The following CHST15 variants were observed in gnomAD, a reference collection of about 807,000 sequenced individuals.
CHST15 encodes carbohydrate sulfotransferase 15.
CHST15 carries 30 observed loss-of-function variants against 53.6 expected under a neutral mutation model. The observed-to-expected ratio is 0.56, with a 90% CI of 0.42 to 0.76. CHST15 has a LOEUF of 0.76. CHST15 is among the 30% of genes least tolerant of loss of function. The probability of loss-of-function intolerance (pLI) is 0.00; values close to 1 mark genes in which losing one functional copy is unlikely to be tolerated. For synonymous variants in CHST15, 296 were observed against 289.8 expected, an observed-to-expected ratio of 1.02 and a Z score of -0.22; for missense variants, 627 against 740.5, an observed-to-expected ratio of 0.85 and a Z score of 1.78.
intron 1 of CHST15, among the ~76,000 whole-genome samples, chr10:124,072,903 C>T (rs987675367): frequency 1.3e-5 from 2 of 152,324 alleles, no homozygotes; most frequent in African/African-American, 4.8e-5. Flanking sequence ...TGTTATCCCC[C>T]AGGGTCTCTT....
chr10:124,068,006 T>C (rs2134141227), intron 1 of CHST15, among the ~76,000 whole-genome samples: 1 of 152,338 alleles, frequency 6.6e-6, no homozygotes, highest in Admixed American at 6.5e-5. Context: ...GTGAAAATGA[T>C]ACATTGAGGC....
chr10:124,079,800 G>T (rs1436082135), intron 1 of CHST15, among the ~76,000 whole-genome samples: 1 of 152,222 alleles, frequency 6.6e-6, no homozygotes, highest in African/African-American at 2.4e-5. Flanking sequence ...AATGCTTAAA[G>T]AAGAGGCCAA....
At position 124,008,358 on chromosome 10, in the gene CHST15, C is replaced by T. The variant is rs530254808; in HGVS notation, c.*1791G>A. On this transcript the variant is annotated 3_prime_UTR_variant, in exon 8 of 8. Coordinates refer to ENST00000435907, the MANE Select transcript of CHST15 (RefSeq NM_001270764.2). ...ACACGTGCGCGTACACACACACACA[C>T]GCGCGCACTGTACTGCAAATAAATA... The T allele has an allele frequency of 8.4e-5, 87 of 1,040,290 alleles. 1 individual carries two copies. In the Middle Eastern group the frequency reaches 1.4e-3, roughly 16 times the overall value. 64.4% of individuals were successfully genotyped at this position (1,040,290 alleles called of 1,614,324 possible).
At position 124,009,111 on chromosome 10, in the gene CHST15, T is replaced by C. The variant is rs1223053508; in HGVS notation, c.*1038A>G. 3.2e-6 allele frequency: 4 copies of C among 1,259,536 alleles called. No homozygotes were observed. The highest frequency in any genetic ancestry group is 1.3e-5 in the South Asian group (1 of 79,042). 78.0% of individuals were successfully genotyped at this position (1,259,536 alleles called of 1,614,324 possible). A position where few individuals can be genotyped will look rare whatever the true frequency, so the allele number is the denominator to read the frequency against. ...GAATGTGGAAATAAACTATTTCCAA[T>C]GGGAAGGCAGAGAAATGGAGCCTGT... On this transcript the variant is annotated 3_prime_UTR_variant, in exon 8 of 8. Transcript: ENST00000435907.
chr10:124,059,034 G>A (rs533890585), intron 1 of CHST15, among the ~76,000 whole-genome samples: 2 of 152,278 alleles, frequency 1.3e-5, no homozygotes, highest in African/African-American at 4.8e-5. Context: ...ACAGAATACA[G>A]GACAGCGAGC....
intron 6 of CHST15, among the ~76,000 whole-genome samples, chr10:124,018,148 C>T (rs930772490): frequency 1.3e-5 from 2 of 152,238 alleles, no homozygotes; most frequent in Non-Finnish European, 2.9e-5. Flanking sequence ...CTTGGATTTT[C>T]CTTGGACTTT....
intron 7 of CHST15, 125 bp from the exon 8 acceptor site, chr10:124,010,464 G>T (rs2133811959): frequency 7.1e-7 from 1 of 1,399,480 alleles, no homozygotes; most frequent in East Asian, 2.7e-5. Flanking sequence ...CATATTTAGG[G>T]ATTAAAATTC....
intron 1 of CHST15, among the ~76,000 whole-genome samples, chr10:124,061,766 G>A (rs1232223904): frequency 1.3e-5 from 2 of 152,212 alleles, no homozygotes; most frequent in Admixed American, 6.5e-5. Flanking sequence ...CGTCCAGTAA[G>A]ACACGTCTCT....
chr10:124,046,728 C>A lies in CHST15; in HGVS notation c.-512-4G>T, dbSNP rs1228895084. On this transcript the variant is annotated splice_region_variant and splice_polypyrimidine_tract_variant and intron_variant, in intron 1 of 7. Coordinates refer to ENST00000435907, the MANE Select transcript of CHST15 (RefSeq NM_001270764.2). The stretch of plus-strand genomic sequence containing the variant: ...ACTTTAAAAAATGCCAGATTTCCTA[C>A]ACAGAAAGACAAGAAGCTTTATTAC... 1 of 152,652 alleles carries A rather than the reference C, an allele frequency of 6.6e-6. No individual in the cohort carries two copies. The highest frequency in any genetic ancestry group is 2.4e-5 in the African/African-American group (1 of 41,430). The allele number at this position is 152,652 out of a possible 1,614,324, so 9.5% of individuals were successfully genotyped here. A position where few individuals can be genotyped will look rare whatever the true frequency, so the allele number is the denominator to read the frequency against.
chr10:124,042,201 T>TAAA, intron 4 of CHST15, 100 bp downstream of exon 4: 2 of 1,265,108 alleles, frequency 1.6e-6, no homozygotes, highest in Non-Finnish European at 2.2e-6. Context: ...TGCCACCATG[T>TAAA]AAATGTTCTG....
intron 5 of CHST15, among the ~76,000 whole-genome samples, chr10:124,035,501 C>T (rs1442514569): frequency 6.6e-6 from 1 of 151,268 alleles, no homozygotes; most frequent in African/African-American, 2.4e-5. Flanking sequence ...TGATAGGTAC[C>T]CTGGCTTCAT....
intron 1 of CHST15, among the ~76,000 whole-genome samples, chr10:124,058,884 A>C (rs1590300535): frequency 6.6e-6 from 1 of 152,350 alleles, no homozygotes; most frequent in Non-Finnish European, 1.5e-5. Context: ...GTGTCCAGAC[A>C]CCAGGCTGGG....
rs1236402924 is a variant in CHST15 at position 124,046,259 on chromosome 10, G to GC, written c.-48dup. On this transcript the variant is annotated 5_prime_UTR_variant, in exon 2 of 8. Coordinates refer to ENST00000435907, the MANE Select transcript of CHST15 (RefSeq NM_001270764.2). ...TGCTGGCTTACCGAGCCATGGGTGGGCCCCCCACGAGTCTGGATGTCCGCA... is the reference window on the plus strand; with the variant it reads ...TGCTGGCTTACCGAGCCATGGGTGGGCCCCCCCACGAGTCTGGATGTCCGCA... The GC allele has an allele frequency of 6.6e-6, 10 of 1,526,360 alleles. No homozygotes were observed. The highest frequency in any genetic ancestry group is 4.8e-4 in the Middle Eastern group (2 of 4,196). 94.6% of individuals were successfully genotyped at this position (1,526,360 alleles called of 1,614,324 possible).
chr10:124,030,230 C>T (rs1947174619), intron 5 of CHST15, among the ~76,000 whole-genome samples: 1 of 152,170 alleles, frequency 6.6e-6, no homozygotes, highest in Non-Finnish European at 1.5e-5. Context: ...AGCTCTCCCT[C>T]CCCGCTCTGT....
At chr10:124,010,762 A>G in intron 7 of CHST15, 1 of 985,350 alleles carries the variant, frequency 1.0e-6, no homozygotes, top group South Asian at 4.7e-5. Flanking sequence ...TTCCGCCATC[A>G]TCGTTTCTAC....
intron 1 of CHST15, among the ~76,000 whole-genome samples, chr10:124,073,921 C>T (rs575024136): frequency 2.6e-5 from 4 of 152,326 alleles, no homozygotes; most frequent in Admixed American, 1.3e-4. Context: ...AATGGCTCCT[C>T]CTGGGTGGAC....
At chr10:124,067,502 A>G (rs973806532) in intron 1 of CHST15, among the ~76,000 whole-genome samples, 1 of 152,260 alleles carries the variant, frequency 6.6e-6, no homozygotes, top group African/African-American at 2.4e-5. Flanking sequence ...CTGACTTTCA[A>G]GCCTGATAAA....
In CHST15 at chr10:124,012,484, G is replaced by A. The variant is rs772129330; in HGVS notation, c.1348-4C>T. On this transcript the variant is annotated splice_region_variant and splice_polypyrimidine_tract_variant and intron_variant, in intron 6 of 7. Coordinates refer to ENST00000435907, the MANE Select transcript of CHST15 (RefSeq NM_001270764.2). ...AGAGCCCAACCTGGAGCCTCACCTAGGACCACAGAAGAAGGGCATTATTTC... is the reference window on the plus strand; with the variant it reads ...AGAGCCCAACCTGGAGCCTCACCTAAGACCACAGAAGAAGGGCATTATTTC... 1.2e-6 allele frequency: 2 copies of A among 1,609,098 alleles called. No homozygotes were observed. The highest frequency in any genetic ancestry group is 1.7e-6 in the Non-Finnish European group (2 of 1,176,332).
chr10:124,045,127 A>ACAAAAACAAAAAC (rs1554911451), intron 2 of CHST15, among the ~76,000 whole-genome samples: 32 of 125,162 alleles, frequency 2.6e-4, no homozygotes, highest in African/African-American at 1.2e-3. Flanking sequence ...AAAAAAAAAA[A>ACAAAAACAAAAAC]AAAAAAAAAA....
Sources: gnomAD v4.1 joint callset for allele counts (sites outside exome capture counted in the v4.1 genomes callset) on GRCh38, gnomAD v4.1.1 for gene constraint, MANE v1.5 for transcripts, NCBI Gene and HGNC (gene_info 2026-07-23, HGNC 2026-07-21) for gene names.